The following LRFN2 variants were observed in gnomAD, a reference collection of about 807,000 sequenced individuals.
The protein encoded by LRFN2 is leucine rich repeat and fibronectin type III domain containing 2, also known as leucine-rich repeat and fibronectin type-III domain-containing protein 2.
LRFN2 carries 18 observed loss-of-function variants against 37.3 expected under a neutral mutation model. The observed-to-expected ratio is 0.48, with a 90% CI of 0.33 to 0.72. The LOEUF (loss-of-function observed/expected upper bound fraction) is 0.72. Ranked by LOEUF, LRFN2 falls within the 30% of genes least tolerant of loss-of-function variation. LRFN2 has a pLI of 0.02. For synonymous variants in LRFN2, 556 were observed against 466.6 expected, an observed-to-expected ratio of 1.19 and a Z score of -2.47; for missense variants, 1,006 against 1,060.7, an observed-to-expected ratio of 0.95 and a Z score of 0.72.
intron 2 of LRFN2, among the ~76,000 whole-genome samples, chr6:40,402,732 C>G (rs998043584): frequency 2.0e-5 from 3 of 152,150 alleles, no homozygotes; most frequent in African/African-American, 7.2e-5. Context: ...TCATGATAAC[C>G]CCGGGAAGTA....
At chr6:40,523,934 T>C (rs1766165685) in intron 1 of LRFN2, 1 of 150,458 alleles carries the variant, frequency 6.6e-6, no homozygotes, top group African/African-American at 2.4e-5. Context: ...CCAGGGCCAG[T>C]ACTCTTCCAA....
intron 1 of LRFN2, among the ~76,000 whole-genome samples, chr6:40,463,721 G>C (rs1387300355): frequency 1.5e-5 from 2 of 132,722 alleles, no homozygotes; most frequent in Non-Finnish European, 3.1e-5. Context: ...CTGTCACCCA[G>C]GCTGGAGTGC....
chr6:40,455,852 G>A (rs1263850569), intron 1 of LRFN2, among the ~76,000 whole-genome samples: 1 of 152,194 alleles, frequency 6.6e-6, no homozygotes, highest in Non-Finnish European at 1.5e-5. Flanking sequence ...TTGACTTTAA[G>A]TTAATCATAA....
At chr6:40,506,411 G>GA (rs1353122216) in intron 1 of LRFN2, among the ~76,000 whole-genome samples, 2 of 151,946 alleles carry the variant, frequency 1.3e-5, no homozygotes, top group South Asian at 4.1e-4. Context: ...TTCGAAAAAA[G>GA]AAAAAAATAT....
intron 1 of LRFN2, among the ~76,000 whole-genome samples, chr6:40,552,357 C>G (rs1454279622): frequency 1.3e-5 from 2 of 152,202 alleles, no homozygotes; most frequent in Admixed American, 6.5e-5. Context: ...AGGGCAGGGC[C>G]CAAGAATTTG....
intron 1 of LRFN2, among the ~76,000 whole-genome samples, chr6:40,513,034 T>C (rs1273430858): frequency 6.6e-6 from 1 of 152,122 alleles, no homozygotes; most frequent in Non-Finnish European, 1.5e-5. Flanking sequence ...CTTTAGCATG[T>C]CCTTAGTGGC....
At chr6:40,549,479 T>G (rs1000427314) in intron 1 of LRFN2, among the ~76,000 whole-genome samples, 2 of 152,150 alleles carry the variant, frequency 1.3e-5, no homozygotes, top group Non-Finnish European at 2.9e-5. Flanking sequence ...CAACAAAAAG[T>G]AAGGTCCTAC....
At chr6:40,441,177 C>T (rs542541552) in intron 1 of LRFN2, among the ~76,000 whole-genome samples, 12 of 152,310 alleles carry the variant, frequency 7.9e-5, no homozygotes, top group East Asian at 5.8e-4. Flanking sequence ...AGGGTATTCA[C>T]GACCTGGGCT....
chr6:40,420,634 C>T (rs987045473), intron 2 of LRFN2, among the ~76,000 whole-genome samples: 7 of 152,346 alleles, frequency 4.6e-5, no homozygotes, highest in East Asian at 1.9e-4. Flanking sequence ...TCTAACTTCC[C>T]GGCAGAACGT....
chr6:40,551,254 C>A (rs1192565360), intron 1 of LRFN2, among the ~76,000 whole-genome samples: 1 of 152,170 alleles, frequency 6.6e-6, no homozygotes, highest in Non-Finnish European at 1.5e-5. Context: ...TGGGCAATGG[C>A]AGATACTTCA....
At chr6:40,482,613 T>G (rs975615821) in intron 1 of LRFN2, among the ~76,000 whole-genome samples, 2 of 152,272 alleles carry the variant, frequency 1.3e-5, no homozygotes, top group African/African-American at 4.8e-5. Context: ...GTCCCTAGTC[T>G]GTGGTTGCCA....
At chr6:40,408,389 G>T (rs933909841) in intron 2 of LRFN2, among the ~76,000 whole-genome samples, 2 of 152,124 alleles carry the variant, frequency 1.3e-5, no homozygotes, top group African/African-American at 4.8e-5. Flanking sequence ...TGGTTCTATT[G>T]TCTATGGGCT....
intron 1 of LRFN2, among the ~76,000 whole-genome samples, chr6:40,508,091 C>T (rs1765595237): frequency 6.6e-6 from 1 of 152,190 alleles, no homozygotes; most frequent in Admixed American, 6.5e-5. Flanking sequence ...TAGCTCTGTT[C>T]CTTCACCAGC....
chr6:40,501,069 A>C (rs1016192769), intron 1 of LRFN2, among the ~76,000 whole-genome samples: 4 of 151,856 alleles, frequency 2.6e-5, no homozygotes, highest in African/African-American at 7.3e-5. Flanking sequence ...ATCATGGGTA[A>C]ATAAATGCTG....
intron 1 of LRFN2, among the ~76,000 whole-genome samples, chr6:40,479,209 C>A (rs1290152708): frequency 6.6e-6 from 1 of 152,226 alleles, no homozygotes; most frequent in Admixed American, 6.5e-5. Flanking sequence ...TAAGTTACAG[C>A]TATCACCATC....
chr6:40,392,126 A>G lies in LRFN2; in HGVS notation c.2187T>C (p.Phe729=), dbSNP rs1762517577. ...CGACCCCTCCCGCCGCCGCAGCAGC[A>G]AAGTCCCCCATGTCGAAGGAGTGGC... The part of the protein sequence containing the change: ...KRSHSFDMGD[F]AAAAAGGVVP... The change falls in exon 3 of 3, where the codon TTT becomes TTC. Residue 729 remains phenylalanine (F), a synonymous_variant. Coordinates refer to ENST00000338305, the MANE Select transcript of LRFN2 (RefSeq NM_020737.3). This position sits in a 1 kb window ranked among gnomAD's most constrained non-coding sequence, Gnocchi z 4.7. 1 of 1,612,640 alleles carries G rather than the reference A, an allele frequency of 6.2e-7. No homozygotes were observed. The highest frequency in any genetic ancestry group is 1.3e-5 in the African/African-American group (1 of 74,916).
chr6:40,456,863 C>A (rs926003554), intron 1 of LRFN2, among the ~76,000 whole-genome samples: 2 of 152,120 alleles, frequency 1.3e-5, no homozygotes, highest in African/African-American at 4.8e-5. Flanking sequence ...TCAGAGGCAG[C>A]CCAACTCCCA....
At chr6:40,566,411 G>T (rs188673468) in intron 1 of LRFN2, among the ~76,000 whole-genome samples, 6 of 152,312 alleles carry the variant, frequency 3.9e-5, no homozygotes, top group African/African-American at 1.4e-4. Context: ...TATAAATCAT[G>T]CTGCTTTAAA....
At position 40,431,997 on chromosome 6, in the gene LRFN2, C is replaced by A. The variant is rs770249133; in HGVS notation, c.1117G>T (p.Glu373Ter). The A allele has an allele frequency of 6.2e-7, 1 of 1,613,682 alleles. No homozygotes were observed. Among genetic ancestry groups the A allele is most frequent in the South Asian group, 1.1e-5 (1 of 91,076 alleles). The change falls in exon 2 of 3, where the codon GAG becomes TAG. Residue 373 changes from glutamate to a stop codon, truncating the protein, a stop_gained. Coordinates refer to ENST00000338305, the MANE Select transcript of LRFN2 (RefSeq NM_020737.3). LOFTEE classifies it high-confidence loss of function. ...TGTGGCAGCTGGACGATGGAGACCTCCACCATGGCCGTGGCCTCTCCGGCA... is the reference window on the plus strand; with the variant it reads ...TGTGGCAGCTGGACGATGGAGACCTACACCATGGCCGTGGCCTCTCCGGCA... ...NAAGEATAMV[E>*]VSIVQLPHLS...
Sources: allele counts gnomAD v4.1 joint callset (sites outside exome capture counted in the v4.1 genomes callset), GRCh38; gene constraint gnomAD v4.1.1; non-coding constraint Gnocchi (gnomAD v3.1); transcripts MANE v1.5; gene names NCBI Gene and HGNC (gene_info 2026-07-23, HGNC 2026-07-21).